The following HHAT variants were observed in gnomAD, a reference collection of about 807,000 sequenced individuals.
HHAT encodes the protein protein-cysteine N-palmitoyltransferase HHAT.
In HHAT, 47 loss-of-function variants were observed where a neutral mutation model predicts 70.8. The observed-to-expected ratio is 0.66, with a 90% CI of 0.53 to 0.85. The LOEUF is 0.85. HHAT is among the 40% of genes least tolerant of loss of function. The probability of loss-of-function intolerance (pLI) is 0.00; values close to 1 mark genes in which losing one functional copy is unlikely to be tolerated. For missense variants in HHAT, 609 were observed against 604.8 expected (o/e 1.01, Z -0.07); for synonymous variants, 228 against 247.6 (o/e 0.92, Z 0.74).
rs150758215 is a variant in HHAT at position 210,497,560 on chromosome 1, A to C, written c.1008-15593A>C. Among the ~76,000 whole-genome samples, 870 of 152,214 alleles carry C rather than the reference A, an allele frequency of 5.7e-3. 13 individuals carry two copies. The highest frequency in any genetic ancestry group is 0.05 in the South Asian group (239 of 4,818). On this transcript the variant is annotated intron_variant, in intron 8 of 11. Coordinates refer to ENST00000261458, the MANE Select transcript of HHAT (RefSeq NM_018194.6). ...AAGAAAGTTTCTTGGTTTGATGTTG[A>C]CTGTTTGCTCTTCACACTCCTACTA... is the stretch of plus-strand genomic sequence containing the variant.
intron 9 of HHAT, among the ~76,000 whole-genome samples, chr1:210,553,513 TA>T (rs746516789): frequency 6.6e-6 from 1 of 152,140 alleles, no homozygotes; most frequent in Non-Finnish European, 1.5e-5. Context: ...TAATAAGACC[TA>T]AATTTACCCG....
At chr1:210,545,498 A>T (rs564564566) in intron 9 of HHAT, among the ~76,000 whole-genome samples, 1 of 141,268 alleles carries the variant, frequency 7.1e-6, no homozygotes, top group East Asian at 2.1e-4. Context: ...GTGCAGTGGC[A>T]CAGTCTTGGC....
At chr1:210,370,051 C>T (rs938170714) in intron 3 of HHAT, among the ~76,000 whole-genome samples, 1 of 151,984 alleles carries the variant, frequency 6.6e-6, no homozygotes, top group South Asian at 2.1e-4. Context: ...TCTCTTCTTT[C>T]TCTTCTCTCT....
At position 210,535,444 on chromosome 1, in the gene HHAT, TG is replaced by T. The variant is rs1176322806; in HGVS notation, c.1043+22257del. ...AACATTGTGTGTTTGTGTGTGTGTG[TG>T]TGTGTGTGTGGGGTAAAATAATATA... On this transcript the variant is annotated intron_variant, in intron 9 of 11. Coordinates refer to ENST00000261458, the MANE Select transcript of HHAT (RefSeq NM_018194.6). Among the ~76,000 whole-genome samples, 130 of 151,592 alleles carry T rather than the reference TG, an allele frequency of 8.6e-4. 2 individuals carry two copies. Among genetic ancestry groups the T allele is most frequent in the Admixed American group, 1.2e-3 (19 of 15,214 alleles).
intron 9 of HHAT, among the ~76,000 whole-genome samples, chr1:210,528,054 A>T (rs972040159): frequency 3.3e-5 from 5 of 152,338 alleles, no homozygotes; most frequent in Admixed American, 6.5e-5. Flanking sequence ...GAGCAAAAAG[A>T]CATGCAATTC....
intron 9 of HHAT, among the ~76,000 whole-genome samples, chr1:210,525,887 A>G (rs2148619025): frequency 6.6e-6 from 1 of 152,294 alleles, no homozygotes; most frequent in Middle Eastern, 3.4e-3. Flanking sequence ...GCCACTGCAG[A>G]TGGGTTATTT....
rs933052102 is a variant in HHAT, at chr1:210,638,027, T to C, written c.1390+14357T>C. On this transcript the variant is annotated intron_variant, in intron 11 of 11. Coordinates refer to ENST00000261458, the MANE Select transcript of HHAT (RefSeq NM_018194.6). ...TTCACAGCTACTCAGATGGCTATAA[T>C]AACAAAAAATGGAAAATAACAACTG... Among the ~76,000 whole-genome samples the C allele has an allele frequency of 2.0e-5, 3 of 152,240 alleles. No homozygotes were observed. In the East Asian group the frequency reaches 5.8e-4, roughly 29 times the overall value.
chr1:210,496,026 A>AAAAAAG (rs1553245673), intron 8 of HHAT, among the ~76,000 whole-genome samples: 3 of 146,706 alleles, frequency 2.0e-5, no homozygotes, highest in African/African-American at 7.4e-5. Flanking sequence ...AAAAAAAAAA[A>AAAAAAG]AAAAGAAAAA....
chr1:210,440,700 AT>A (rs1303410367), intron 7 of HHAT, among the ~76,000 whole-genome samples: 1 of 151,796 alleles, frequency 6.6e-6, no homozygotes, highest in Non-Finnish European at 1.5e-5. Context: ...CCAGACAGTA[AT>A]TTGATGAACA....
intron 9 of HHAT, among the ~76,000 whole-genome samples, chr1:210,520,702 C>G (rs1409742023): frequency 1.3e-5 from 2 of 152,098 alleles, no homozygotes; most frequent in Non-Finnish European, 2.9e-5. Flanking sequence ...TTTTATTGCT[C>G]TTTAGGTTAC....
intron 9 of HHAT, among the ~76,000 whole-genome samples, chr1:210,568,325 T>TG (rs1259308369): frequency 2.0e-5 from 3 of 152,242 alleles, no homozygotes; most frequent in African/African-American, 7.2e-5. Context: ...CTATCTTTTG[T>TG]GATAATCTTT....
chr1:210,401,006 G>GA (rs1324710741), intron 5 of HHAT, among the ~76,000 whole-genome samples: 5 of 152,224 alleles, frequency 3.3e-5, no homozygotes, highest in Non-Finnish European at 1.5e-5. Flanking sequence ...TCTGGAGAGT[G>GA]CCCTACAATT....
At chr1:210,426,989 G>A (rs895087077) in intron 7 of HHAT, among the ~76,000 whole-genome samples, 7 of 152,122 alleles carry the variant, frequency 4.6e-5, no homozygotes, top group Admixed American at 3.9e-4. Context: ...TGGTTGGTAA[G>A]TTATTTATTA....
At chr1:210,506,310 C>A (rs2094853243) in intron 8 of HHAT, among the ~76,000 whole-genome samples, 1 of 150,468 alleles carries the variant, frequency 6.6e-6, no homozygotes, top group Admixed American at 6.6e-5. Context: ...AGGGAGCATT[C>A]ATACTTAGAG....
chr1:210,580,712 A>T (rs191760755), intron 9 of HHAT, among the ~76,000 whole-genome samples: 2 of 151,820 alleles, frequency 1.3e-5, no homozygotes, highest in South Asian at 4.2e-4. Flanking sequence ...CATTTTCTTC[A>T]TCCAGTCTAT....
intron 9 of HHAT, among the ~76,000 whole-genome samples, chr1:210,558,786 T>C (rs2095595756): frequency 6.6e-6 from 1 of 152,152 alleles, no homozygotes; most frequent in African/African-American, 2.4e-5. Flanking sequence ...CAGTTATTCT[T>C]GAGGCCAGGC....
intron 8 of HHAT, among the ~76,000 whole-genome samples, chr1:210,503,659 CATT>C (rs2094800522): frequency 6.6e-6 from 1 of 152,146 alleles, no homozygotes; most frequent in Admixed American, 6.5e-5. Context: ...AACTCTTCCT[CATT>C]AGAGTTATCC....
At chr1:210,545,699 A>G (rs967896554) in intron 9 of HHAT, among the ~76,000 whole-genome samples, 3 of 152,162 alleles carry the variant, frequency 2.0e-5, no homozygotes, top group African/African-American at 7.2e-5. Context: ...GGCCTCCAAA[A>G]GTGCTGGGAT....
At chr1:210,443,614 A>T (rs2148368122) in intron 7 of HHAT, among the ~76,000 whole-genome samples, 1 of 36,902 alleles carries the variant, frequency 2.7e-5, no homozygotes, top group East Asian at 7.0e-4. Context: ...GCAATTGTGA[A>T]TGGGAGTTCA....
Sources: gnomAD v4.1 joint callset for allele counts (sites outside exome capture counted in the v4.1 genomes callset) on GRCh38, gnomAD v4.1.1 for gene constraint, MANE v1.5 for transcripts, NCBI Gene and HGNC (gene_info 2026-07-23, HGNC 2026-07-21) for gene names.